RETREG1: variants seen among roughly 807,000 people sequenced by gnomAD.
The protein encoded by RETREG1 is reticulophagy regulator 1.
Under a neutral mutation model 54.8 loss-of-function variants are expected in RETREG1, and 44 were observed. The observed-to-expected ratio is 0.80, with a 90% CI of 0.63 to 1.03. The LOEUF (loss-of-function observed/expected upper bound fraction) is 1.03, where lower values mean the gene tolerates loss of function less well. Among genes scored for constraint, RETREG1 ranks in the 50% least tolerant of loss-of-function variants. The probability of loss-of-function intolerance (pLI) is 0.00; values close to 1 mark genes in which losing one functional copy is unlikely to be tolerated. For synonymous variants in RETREG1, 217 were observed against 238.5 expected (o/e 0.91, Z 0.83); for missense variants, 554 against 605.1 (o/e 0.92, Z 0.89).
intron 1 of RETREG1, among the ~76,000 whole-genome samples, chr5:16,611,514 G>A (rs140171270): frequency 1.2e-3 from 181 of 152,244 alleles, no homozygotes; most frequent in African/African-American, 4.0e-3. Flanking sequence ...CTTAGGAAAC[G>A]GACCTTTCAC....
chr5:16,555,208 G>A (rs1251959123), intron 3 of RETREG1, among the ~76,000 whole-genome samples: 2 of 152,200 alleles, frequency 1.3e-5, no homozygotes, highest in Admixed American at 1.3e-4. Flanking sequence ...CTGGGGTGCA[G>A]TGGCGCAATC....
intron 3 of RETREG1, among the ~76,000 whole-genome samples, chr5:16,560,319 G>C (rs1741820499): frequency 6.6e-6 from 1 of 152,312 alleles, no homozygotes; most frequent in Non-Finnish European, 1.5e-5. Context: ...GATAGTTTGT[G>C]ATCTACATAA....
chr5:16,540,117 T>G (rs1741198469), intron 3 of RETREG1, among the ~76,000 whole-genome samples: 1 of 152,218 alleles, frequency 6.6e-6, no homozygotes, highest in Non-Finnish European at 1.5e-5. Context: ...GCAGTACTTT[T>G]GGAACCCTTT....
At chr5:16,494,968 G>T (rs922111114) in intron 3 of RETREG1, among the ~76,000 whole-genome samples, 1 of 152,224 alleles carries the variant, frequency 6.6e-6, no homozygotes, top group African/African-American at 2.4e-5. Context: ...AGACTAGGCT[G>T]ATGAGGTCTC....
Position 16,593,226 on chromosome 5 carries a change from C to T in RETREG1, c.321-21124G>A, listed in dbSNP as rs904202067. On this transcript the variant is annotated intron_variant, in intron 1 of 8. Coordinates refer to ENST00000306320, the MANE Select transcript of RETREG1 (RefSeq NM_001034850.3). The surrounding 1 kb of genome is among the most constrained non-coding windows in gnomAD (Gnocchi z 4.9). ...AAATTAGGTCACCCCACTGCTCCCC[C>T]GGAGTGATGTGTTTTCCTTTCAGAG... is the stretch of plus-strand genomic sequence containing the variant. Among the ~76,000 whole-genome samples the T allele has an allele frequency of 2.6e-5, 4 of 152,102 alleles. No individual in the cohort carries two copies. Among genetic ancestry groups the T allele is most frequent in the Non-Finnish European group, 5.9e-5 (4 of 68,020 alleles).
chr5:16,573,735 GTTTT>G (rs3993826), intron 1 of RETREG1, among the ~76,000 whole-genome samples: 1 of 122,104 alleles, frequency 8.2e-6, no homozygotes, highest in Non-Finnish European at 1.7e-5. Context: ...GGGTTTGTTT[GTTTT>G]TTGTTTTTTT....
At chr5:16,606,531 C>T (rs1178211655) in intron 1 of RETREG1, among the ~76,000 whole-genome samples, 1 of 152,182 alleles carries the variant, frequency 6.6e-6, no homozygotes, top group African/African-American at 2.4e-5. Context: ...TCCACTGCAA[C>T]ATGGCCAAAC....
intron 1 of RETREG1, among the ~76,000 whole-genome samples, chr5:16,610,810 A>T (rs1743321309): frequency 1.3e-5 from 2 of 152,188 alleles, no homozygotes. Flanking sequence ...TGTTGGTGGG[A>T]CTGTAAACTA....
At position 16,556,007 on chromosome 5, in the gene RETREG1, CATA is replaced by C. The variant is rs143088327; in HGVS notation, c.458+9753_458+9755del. On this transcript the variant is annotated intron_variant, in intron 3 of 8. Coordinates refer to ENST00000306320, the MANE Select transcript of RETREG1 (RefSeq NM_001034850.3). ...AAATGAACTTCACGCATTTCAAATC[CATA>C]ATAACTCAGGATCTGCTAACTAATC... Among the ~76,000 whole-genome samples, 957 of 152,164 alleles carry C rather than the reference CATA, an allele frequency of 6.3e-3. 7 individuals carry two copies. The highest frequency in any genetic ancestry group is 0.02 in the Middle Eastern group (6 of 294).
chr5:16,521,747 C>T (rs1375721053), intron 3 of RETREG1, among the ~76,000 whole-genome samples: 1 of 152,204 alleles, frequency 6.6e-6, no homozygotes, highest in Non-Finnish European at 1.5e-5. Context: ...TTCTGTTACA[C>T]GTCGATCTTC....
chr5:16,528,998 G>A (rs1740827074), intron 3 of RETREG1, among the ~76,000 whole-genome samples: 1 of 152,138 alleles, frequency 6.6e-6, no homozygotes, highest in African/African-American at 2.4e-5. Flanking sequence ...TTGAAATTGA[G>A]TAAAACAAAC....
intron 3 of RETREG1, among the ~76,000 whole-genome samples, chr5:16,535,576 G>A (rs12514561): frequency 0.35 from 51,817 of 147,156 alleles, 10,933 homozygotes; most frequent in Non-Finnish European, 0.46. Flanking sequence ...TGTGCATGCT[G>A]CCTTCACAAA....
chr5:16,562,339 A>C (rs1218935540), intron 3 of RETREG1, among the ~76,000 whole-genome samples: 2 of 152,156 alleles, frequency 1.3e-5, no homozygotes, highest in Non-Finnish European at 2.9e-5. Flanking sequence ...AGAAAGAAAG[A>C]AAGCTTAAGA....
At chr5:16,498,607 G>C (rs935594105) in intron 3 of RETREG1, among the ~76,000 whole-genome samples, 6 of 152,168 alleles carry the variant, frequency 3.9e-5, no homozygotes, top group African/African-American at 1.4e-4. Flanking sequence ...AGCTACTCAG[G>C]GGGCTGAGGC....
chr5:16,528,427 G>A (rs1392117969), intron 3 of RETREG1, among the ~76,000 whole-genome samples: 1 of 152,130 alleles, frequency 6.6e-6, no homozygotes, highest in Non-Finnish European at 1.5e-5. Context: ...AAAGGGGACG[G>A]TCACCCCAGG....
At chr5:16,587,291 C>A (rs1742648671) in intron 1 of RETREG1, among the ~76,000 whole-genome samples, 1 of 152,122 alleles carries the variant, frequency 6.6e-6, no homozygotes. Context: ...TTTCACATCT[C>A]CATCGCATGT....
chr5:16,615,354 C>G (rs1415272340), intron 1 of RETREG1, among the ~76,000 whole-genome samples: 3 of 145,320 alleles, frequency 2.1e-5, no homozygotes, highest in East Asian at 2.1e-4. Context: ...GAGCCGAGAT[C>G]GCGCCACTGC....
intron 3 of RETREG1, chr5:16,508,757 GA>G: frequency 4.7e-6 from 7 of 1,503,318 alleles, no homozygotes; most frequent in Non-Finnish European, 5.3e-6. Flanking sequence ...TTCCTTTTTG[GA>G]AAAAAAGTGC....
chr5:16,615,817 G>C (rs1743489121), intron 1 of RETREG1: 1 of 152,178 alleles, frequency 6.6e-6, no homozygotes, highest in Non-Finnish European at 1.5e-5. Flanking sequence ...TCTGTTACCG[G>C]AGTCTGATTA....
Sources: gnomAD v4.1 joint callset for allele counts (sites outside exome capture counted in the v4.1 genomes callset) on GRCh38, gnomAD v4.1.1 for gene constraint, Gnocchi (gnomAD v3.1) non-coding constraint, MANE v1.5 for transcripts, NCBI Gene and HGNC (gene_info 2026-07-23, HGNC 2026-07-21) for gene names.